MCCC2: variants seen among roughly 807,000 people sequenced by gnomAD.
The protein encoded by MCCC2 is methylcrotonyl-CoA carboxylase subunit 2.
A neutral mutation model predicts 77.2 loss-of-function variants in MCCC2; 52 were observed. That is an observed-to-expected ratio of 0.67 (90% CI 0.54 to 0.85). The LOEUF is 0.85. Ranked by LOEUF, MCCC2 falls within the 40% of genes least tolerant of loss-of-function variation. The probability of loss-of-function intolerance (pLI) is 0.00; values close to 1 mark genes in which losing one functional copy is unlikely to be tolerated. For missense variants in MCCC2, 682 were observed against 703.2 expected, an observed-to-expected ratio of 0.97 and a Z score of 0.34; for synonymous variants, 253 against 248.4, an observed-to-expected ratio of 1.02 and a Z score of -0.18.
At chr5:71,588,469 A>G (rs1025164635) in intron 1 of MCCC2, among the ~76,000 whole-genome samples, 5 of 152,178 alleles carry the variant, frequency 3.3e-5, no homozygotes, top group Non-Finnish European at 7.3e-5. Context: ...ACAACACACA[A>G]TTGTTTGTCA....
intron 7 of MCCC2, among the ~76,000 whole-genome samples, chr5:71,629,897 A>G (rs570228268): frequency 1.8e-4 from 28 of 152,330 alleles, no homozygotes; most frequent in Admixed American, 1.7e-3. Context: ...TTTTTTGACT[A>G]GAAAATGAGT....
chr5:71,589,014 G>A (rs890556869), intron 1 of MCCC2, among the ~76,000 whole-genome samples: 11 of 152,172 alleles, frequency 7.2e-5, no homozygotes, highest in Non-Finnish European at 1.3e-4. Context: ...GCAATGTGGA[G>A]GATGGATTGA....
chr5:71,620,695 T>G, intron 6 of MCCC2, among the ~76,000 whole-genome samples: 1 of 152,342 alleles, frequency 6.6e-6, no homozygotes, highest in East Asian at 1.9e-4. Context: ...AAAGCTTTTC[T>G]GGATGATTAC....
intron 6 of MCCC2, among the ~76,000 whole-genome samples, chr5:71,618,006 C>A (rs369512522): frequency 6.6e-6 from 1 of 151,868 alleles, no homozygotes; most frequent in Non-Finnish European, 1.5e-5. Context: ...ATTTTAAGAC[C>A]CCTTAATCGT....
chr5:71,614,770 C>T (rs566097564), intron 6 of MCCC2, among the ~76,000 whole-genome samples: 10 of 152,192 alleles, frequency 6.6e-5, no homozygotes, highest in Admixed American at 2.0e-4. Context: ...AGGTATGAGC[C>T]ACTGTGCCCA....
rs1745477934 is a variant in MCCC2, at chr5:71,602,527, C to T, written c.405C>T (p.Ala135=). The stretch of plus-strand genomic sequence containing the variant: ...TCAGAGTAGAATGCATGATTATTGC[C>T]AATGATGCCACCGTCAAAGGAGGTG... ...RVSGVECMII[A]NDATVKGGAY... The change falls in exon 5 of 17, where the codon GCC becomes GCT. Residue 135 remains alanine, a synonymous_variant. Coordinates refer to ENST00000340941, the MANE Select transcript of MCCC2 (RefSeq NM_022132.5). The T allele has an allele frequency of 6.2e-7, 1 of 1,614,022 alleles. No individual in the cohort carries two copies. The highest frequency in any genetic ancestry group is 1.3e-5 in the African/African-American group (1 of 74,994).
chr5:71,631,065 A>G (rs187412524), intron 7 of MCCC2, among the ~76,000 whole-genome samples: 1 of 152,156 alleles, frequency 6.6e-6, no homozygotes, highest in Non-Finnish European at 1.5e-5. Flanking sequence ...ACATTCTGCT[A>G]GATCTTAGGT....
intron 4 of MCCC2, among the ~76,000 whole-genome samples, chr5:71,599,985 G>A (rs1745359747): frequency 1.3e-5 from 2 of 152,154 alleles, no homozygotes; most frequent in South Asian, 4.1e-4. Context: ...GGCCAATGTG[G>A]TGAAACCCTG....
chr5:71,606,466 A>G (rs1362314113), intron 6 of MCCC2, among the ~76,000 whole-genome samples: 2 of 149,730 alleles, frequency 1.3e-5, no homozygotes, highest in African/African-American at 4.9e-5. Context: ...CAGCTTGAGG[A>G]GATTTTGGGC....
At chr5:71,639,693 A>G (rs1229803214) in intron 10 of MCCC2, among the ~76,000 whole-genome samples, 1 of 152,224 alleles carries the variant, frequency 6.6e-6, no homozygotes, top group Admixed American at 6.5e-5. Flanking sequence ...TTTTCACTAA[A>G]TGGTCCTAAA....
In MCCC2 at chr5:71,649,188, G is replaced by GAT; in HGVS notation, c.1310_1311dup (p.Thr438Ter). The GAT allele has an allele frequency of 6.2e-7, 1 of 1,614,194 alleles. No individual in the cohort carries two copies. Among genetic ancestry groups the GAT allele is most frequent in the South Asian group, 1.1e-5 (1 of 91,078 alleles). On this transcript the variant is annotated frameshift_variant, in exon 14 of 17. Coordinates refer to ENST00000340941, the MANE Select transcript of MCCC2 (RefSeq NM_022132.5). LOFTEE classifies it high-confidence loss of function. ...CTGTGGCCTGTGCCCAAGTGCCTAA[G>GAT]ATAACCCTCATCATTGGGGGCTCCT...
chr5:71,613,878 C>T (rs1028876993), intron 6 of MCCC2, among the ~76,000 whole-genome samples: 20 of 151,662 alleles, frequency 1.3e-4, no homozygotes, highest in African/African-American at 4.8e-4. Flanking sequence ...CTCATATATT[C>T]AGGAAGGGGT....
chr5:71,596,812 T>A (rs962837659), intron 3 of MCCC2, among the ~76,000 whole-genome samples: 1 of 151,896 alleles, frequency 6.6e-6, no homozygotes, highest in Non-Finnish European at 1.5e-5. Context: ...TGGTGGCATG[T>A]GCTTGTAGTC....
At chr5:71,593,843 A>G (rs955855303) in intron 2 of MCCC2, among the ~76,000 whole-genome samples, 5 of 152,208 alleles carry the variant, frequency 3.3e-5, no homozygotes, top group Non-Finnish European at 7.3e-5. Context: ...AAAATTTTAC[A>G]TTTAGGTTAG....
chr5:71,607,277 A>T (rs2112341353), intron 6 of MCCC2, among the ~76,000 whole-genome samples: 1 of 152,246 alleles, frequency 6.6e-6, no homozygotes, highest in South Asian at 2.1e-4. Context: ...CTATTCAGAG[A>T]TTCAACTTCT....
Position 71,602,486 on chromosome 5 carries a change from A to G in MCCC2, c.384-20A>G, listed in dbSNP as rs770917710. The G allele has an allele frequency of 2.9e-5, 46 of 1,613,990 alleles. No homozygotes were observed. Among genetic ancestry groups the G allele is most frequent in the Middle Eastern group, 1.6e-4 (1 of 6,084 alleles). ...AGAAATCTCTTAAATTCTCTCTCCA[A>G]TGAAATTTCTGCCTTTCAGAGTAGA... On this transcript the variant is annotated intron_variant, in intron 4 of 16. Coordinates refer to ENST00000340941, the MANE Select transcript of MCCC2 (RefSeq NM_022132.5).
intron 6 of MCCC2, among the ~76,000 whole-genome samples, chr5:71,606,131 T>C (rs977494070): frequency 2.0e-5 from 3 of 151,830 alleles, no homozygotes; most frequent in South Asian, 4.2e-4. Flanking sequence ...GGTAGCTTGA[T>C]GGGGATGGCA....
Position 71,592,977 on chromosome 5 carries a change from G to C in MCCC2, c.181G>C (p.Glu61Gln), listed in dbSNP as rs752593298. 2 of 1,613,386 alleles carry C rather than the reference G, an allele frequency of 1.2e-6. No homozygotes were observed. The highest frequency in any genetic ancestry group is 1.7e-6 in the Non-Finnish European group (2 of 1,179,454). The change falls in exon 2 of 17, where the codon GAG becomes CAG. Residue 61 changes from glutamate (E) to glutamine (Q), a missense_variant. Transcript: ENST00000340941. ...AGTAAATCAGCTCCATGAACGAGTGGAGCATATAAAACTAGGTAAACACAG... is the reference window on the plus strand; with the variant it reads ...AGTAAATCAGCTCCATGAACGAGTGCAGCATATAAAACTAGGTAAACACAG... ...ALVNQLHERVEHIKLGGGEKA... is the reference protein window; with the variant it reads ...ALVNQLHERVQHIKLGGGEKA...
intron 6 of MCCC2, among the ~76,000 whole-genome samples, chr5:71,616,650 C>T (rs1210162982): frequency 6.6e-6 from 1 of 152,246 alleles, no homozygotes; most frequent in African/African-American, 2.4e-5. Flanking sequence ...TTCCCATCTA[C>T]TGCTAGCACT....
Sources: allele counts gnomAD v4.1 joint callset (sites outside exome capture counted in the v4.1 genomes callset), GRCh38; gene constraint gnomAD v4.1.1; transcripts MANE v1.5; gene names NCBI Gene and HGNC (gene_info 2026-07-23, HGNC 2026-07-21).